The following SH2D4B variants were observed in gnomAD, a reference collection of about 807,000 sequenced individuals.
The protein encoded by SH2D4B is SH2 domain-containing protein 4B.
Under a neutral mutation model 61.5 loss-of-function variants are expected in SH2D4B, and 45 were observed. The observed-to-expected ratio is 0.73, with a 90% confidence interval of 0.58 to 0.94. SH2D4B has a LOEUF of 0.94. SH2D4B is among the 40% of genes least tolerant of loss of function. SH2D4B has a pLI of 0.00. For missense variants in SH2D4B, 572 were observed against 574.2 expected (o/e 1.00, Z 0.04); for synonymous variants, 224 against 220.4 (o/e 1.02, Z -0.14).
chr10:80,572,974 A>G (rs1409858403), intron 3 of SH2D4B, among the ~76,000 whole-genome samples: 82 of 7,680 alleles, frequency 0.011, 3 homozygotes, highest in African/African-American at 0.047. Context: ...ATATATATAT[A>G]TATATATATA....
At chr10:80,634,850 A>G (rs1313055406) in intron 7 of SH2D4B, among the ~76,000 whole-genome samples, 1 of 152,184 alleles carries the variant, frequency 6.6e-6, no homozygotes, top group African/African-American at 2.4e-5. Context: ...ACTCATTCCC[A>G]AGAACGTCTC....
At chr10:80,568,097 T>A (rs1161061873) in intron 1 of SH2D4B, among the ~76,000 whole-genome samples, 2 of 152,076 alleles carry the variant, frequency 1.3e-5, no homozygotes, top group African/African-American at 4.8e-5. Flanking sequence ...CACACTTTTT[T>A]TTTTTTTTGA....
At chr10:80,581,839 A>G (rs950147174) in intron 3 of SH2D4B, among the ~76,000 whole-genome samples, 1 of 152,088 alleles carries the variant, frequency 6.6e-6, no homozygotes, top group African/African-American at 2.4e-5. Flanking sequence ...TCTTCCTGAC[A>G]CCTGCTCCTG....
intron 7 of SH2D4B, among the ~76,000 whole-genome samples, chr10:80,637,379 A>C (rs2132164404): frequency 6.6e-6 from 1 of 152,202 alleles, no homozygotes; most frequent in East Asian, 1.9e-4. Context: ...TACCTTGGGC[A>C]GTATGGCCAT....
At chr10:80,601,296 G>A (rs1296375127) in intron 4 of SH2D4B, among the ~76,000 whole-genome samples, 1 of 152,152 alleles carries the variant, frequency 6.6e-6, no homozygotes, top group African/African-American at 2.4e-5. Context: ...AGCAGAATGC[G>A]AGGCTGCTGC....
At chr10:80,542,674 G>A (rs879290673) in intron 1 of SH2D4B, among the ~76,000 whole-genome samples, 2 of 152,120 alleles carry the variant, frequency 1.3e-5, no homozygotes, top group Middle Eastern at 3.4e-3. Flanking sequence ...GGGATTACAG[G>A]CACGAGCCAC....
intron 3 of SH2D4B, among the ~76,000 whole-genome samples, chr10:80,581,757 A>G (rs1178445269): frequency 1.3e-5 from 2 of 151,748 alleles, no homozygotes; most frequent in African/African-American, 4.8e-5. Flanking sequence ...AAATTGATAC[A>G]CTCCTTATCT....
At chr10:80,579,070 A>G (rs1842158341) in intron 3 of SH2D4B, among the ~76,000 whole-genome samples, 1 of 152,042 alleles carries the variant, frequency 6.6e-6, no homozygotes, top group African/African-American at 2.4e-5. Context: ...GCATTGAGGG[A>G]TTTTTACCCC....
chr10:80,638,442 T>A (rs1840228458), intron 7 of SH2D4B, among the ~76,000 whole-genome samples: 1 of 152,216 alleles, frequency 6.6e-6, no homozygotes, highest in South Asian at 2.1e-4. Context: ...GGTAGTCTAT[T>A]AATTATTGCC....
chr10:80,564,198 A>C (rs902085474), intron 1 of SH2D4B, among the ~76,000 whole-genome samples: 1 of 152,138 alleles, frequency 6.6e-6, no homozygotes, highest in African/African-American at 2.4e-5. Context: ...TATTCTTTTT[A>C]TGTCTTGTAG....
Position 80,627,111 on chromosome 10 carries a change from G to A in SH2D4B, c.989-7174G>A, listed in dbSNP as rs554505133. 1.2e-4 allele frequency among the ~76,000 whole-genome samples: 19 copies of A among 152,220 alleles called. No individual in the cohort carries two copies. The East Asian group carries it at 1.5e-3, about 12-fold the overall frequency. The stretch of plus-strand genomic sequence containing the variant: ...TGAGTGTGTCGTTTAACCTCTGTGC[G>A]TCAAAATGGAAGCCATTTCTGGGAG... On this transcript the variant is annotated intron_variant, in intron 6 of 7. Coordinates refer to ENST00000646907, the MANE Select transcript of SH2D4B (RefSeq NM_001388272.1).
intron 3 of SH2D4B, among the ~76,000 whole-genome samples, chr10:80,582,171 C>T (rs2066167897): frequency 6.6e-6 from 1 of 152,172 alleles, no homozygotes; most frequent in African/African-American, 2.4e-5. Context: ...CCACCTCCCT[C>T]CCTCTGGCCA....
At chr10:80,578,623 G>A (rs1412588944) in intron 3 of SH2D4B, among the ~76,000 whole-genome samples, 1 of 152,178 alleles carries the variant, frequency 6.6e-6, no homozygotes, top group Non-Finnish European at 1.5e-5. Context: ...GCCTGGAAAG[G>A]AGGTAGGGTG....
At chr10:80,588,493 A>G in intron 3 of SH2D4B, 137 bp from the exon 4 acceptor site, 1 of 1,090,286 alleles carries the variant, frequency 9.2e-7, no homozygotes, top group Non-Finnish European at 1.3e-6. Flanking sequence ...TCAATTTCAT[A>G]CATGTAGGGA....
At chr10:80,614,957 G>T (rs139786585) in intron 6 of SH2D4B, among the ~76,000 whole-genome samples, 9 of 152,350 alleles carry the variant, frequency 5.9e-5, no homozygotes, top group Middle Eastern at 3.4e-3. Context: ...CCCCTCCTGG[G>T]TAGCCCTCCT....
chr10:80,547,127 T>G (rs1372759109), intron 1 of SH2D4B, among the ~76,000 whole-genome samples: 1 of 152,218 alleles, frequency 6.6e-6, no homozygotes, highest in Non-Finnish European at 1.5e-5. Flanking sequence ...GCTCCCTGTA[T>G]GTTTTCCCTC....
intron 6 of SH2D4B, among the ~76,000 whole-genome samples, chr10:80,618,138 A>G (rs907751518): frequency 1.3e-5 from 2 of 152,356 alleles, no homozygotes; most frequent in East Asian, 3.9e-4. Flanking sequence ...GGCAAGACCA[A>G]TCTGTGTTCA....
intron 4 of SH2D4B, among the ~76,000 whole-genome samples, chr10:80,602,419 C>T (rs1291949245): frequency 1.3e-5 from 2 of 152,164 alleles, no homozygotes; most frequent in Non-Finnish European, 2.9e-5. Context: ...GCTGTGATCG[C>T]ACCACTGCAC....
intron 3 of SH2D4B, among the ~76,000 whole-genome samples, chr10:80,572,943 CAAATATATAT>C (rs1842067518): frequency 8.2e-5 from 3 of 36,512 alleles, no homozygotes; most frequent in Non-Finnish European, 1.4e-4. Flanking sequence ...ATGTATGTTG[CAAATATATAT>C]ATATATATAT....
Sources: allele counts gnomAD v4.1 joint callset (sites outside exome capture counted in the v4.1 genomes callset), GRCh38; gene constraint gnomAD v4.1.1; transcripts MANE v1.5; gene names NCBI Gene and HGNC (gene_info 2026-07-23, HGNC 2026-07-21).